Variants in CCDC60 observed in about 807,000 individuals in gnomAD.
CCDC60 encodes coiled-coil domain containing 60, also known as coiled-coil domain-containing protein 60.
Under a neutral mutation model 63.5 loss-of-function variants are expected in CCDC60, and 54 were observed. The observed-to-expected ratio is 0.85, with a 90% CI of 0.68 to 1.07. CCDC60 has a LOEUF of 1.07. Among genes scored for constraint, CCDC60 ranks in the 50% least tolerant of loss-of-function variants. The pLI is 0.00. For missense variants in CCDC60, 651 were observed against 684.3 expected, an observed-to-expected ratio of 0.95 and a Z score of 0.54; for synonymous variants, 206 against 238.8, an observed-to-expected ratio of 0.86 and a Z score of 1.27.
chr12:119,512,967 C>T (rs1952253399), intron 7 of CCDC60, among the ~76,000 whole-genome samples: 1 of 152,194 alleles, frequency 6.6e-6, no homozygotes, highest in Admixed American at 6.5e-5. Flanking sequence ...ATTTTCTCCT[C>T]TTCTCACTCC....
intron 2 of CCDC60, among the ~76,000 whole-genome samples, chr12:119,462,375 A>G (rs915213969): frequency 2.0e-5 from 3 of 152,128 alleles, no homozygotes; most frequent in African/African-American, 7.2e-5. Context: ...GATTGTGTTT[A>G]CCTCTTTGCC....
intron 4 of CCDC60, among the ~76,000 whole-genome samples, chr12:119,487,615 G>A (rs901876325): frequency 6.6e-6 from 1 of 151,648 alleles, no homozygotes; most frequent in Non-Finnish European, 1.5e-5. Context: ...AGCTTTAAAT[G>A]AGATACTGAG....
intron 1 of CCDC60, among the ~76,000 whole-genome samples, chr12:119,414,472 T>A (rs865837976): frequency 6.6e-6 from 1 of 152,224 alleles, no homozygotes; most frequent in Non-Finnish European, 1.5e-5. Context: ...GTTCAAAGGA[T>A]GGGAAGACTG....
At chr12:119,490,134 AT>A (rs1396224128) in intron 5 of CCDC60, among the ~76,000 whole-genome samples, 1 of 152,106 alleles carries the variant, frequency 6.6e-6, no homozygotes, top group Non-Finnish European at 1.5e-5. Flanking sequence ...TCTTGAAGAC[AT>A]TTATTACCCA....
chr12:119,365,999 G>A (rs904738655), intron 1 of CCDC60, among the ~76,000 whole-genome samples: 3 of 152,132 alleles, frequency 2.0e-5, no homozygotes, highest in Non-Finnish European at 4.4e-5. Flanking sequence ...TGGCCTCACA[G>A]TAATAATAAG....
At chr12:119,540,176 T>A (rs1198163077) in intron 13 of CCDC60, among the ~76,000 whole-genome samples, 2 of 152,158 alleles carry the variant, frequency 1.3e-5, no homozygotes, top group East Asian at 3.9e-4. Flanking sequence ...AATCTGGATG[T>A]GGGGGTCTAC....
intron 11 of CCDC60, among the ~76,000 whole-genome samples, chr12:119,525,844 A>T (rs1593218322): frequency 6.6e-6 from 1 of 152,348 alleles, no homozygotes; most frequent in East Asian, 1.9e-4. Flanking sequence ...TGCCCAAAGC[A>T]ATTTATAGAT....
At chr12:119,377,149 G>A (rs1955959110) in intron 1 of CCDC60, among the ~76,000 whole-genome samples, 1 of 151,556 alleles carries the variant, frequency 6.6e-6, no homozygotes, top group South Asian at 2.1e-4. Context: ...CAGCTACTTG[G>A]GAGGCTGAAG....
chr12:119,415,516 A>G (rs1956683289), intron 1 of CCDC60, among the ~76,000 whole-genome samples: 2 of 152,202 alleles, frequency 1.3e-5, no homozygotes, highest in Admixed American at 1.3e-4. Context: ...ATTTTAGGCA[A>G]TGGAGTCATG....
At chr12:119,532,012 T>C (rs1952855733) in intron 13 of CCDC60, among the ~76,000 whole-genome samples, 1 of 152,216 alleles carries the variant, frequency 6.6e-6, no homozygotes, top group African/African-American at 2.4e-5. Flanking sequence ...TGACAGGCTA[T>C]GGAGCGTTTG....
intron 1 of CCDC60, among the ~76,000 whole-genome samples, chr12:119,367,423 C>T (rs1955851849): frequency 6.6e-6 from 1 of 152,188 alleles, no homozygotes; most frequent in Non-Finnish European, 1.5e-5. Flanking sequence ...AATTCCACCG[C>T]CTATATCCTC....
intron 1 of CCDC60, among the ~76,000 whole-genome samples, chr12:119,378,596 T>C (rs1955977972): frequency 6.6e-6 from 1 of 152,164 alleles, no homozygotes; most frequent in Non-Finnish European, 1.5e-5. Context: ...AGGTAACTGG[T>C]CATAGAGCTA....
chr12:119,382,441 C>A (rs1956017472), intron 1 of CCDC60, among the ~76,000 whole-genome samples: 1 of 152,148 alleles, frequency 6.6e-6, no homozygotes, highest in African/African-American at 2.4e-5. Context: ...GAACAGGGTA[C>A]AAAAGTTCTG....
At chr12:119,460,179 A>T (rs1209666149) in intron 2 of CCDC60, among the ~76,000 whole-genome samples, 1 of 152,042 alleles carries the variant, frequency 6.6e-6, no homozygotes, top group Non-Finnish European at 1.5e-5. Flanking sequence ...TGCAGAAAAG[A>T]CTCTTAATCT....
intron 11 of CCDC60, among the ~76,000 whole-genome samples, chr12:119,527,083 A>G (rs761318007): frequency 6.6e-6 from 1 of 152,262 alleles, no homozygotes; most frequent in Non-Finnish European, 1.5e-5. Flanking sequence ...TTATGCAGCC[A>G]TAAAAAAGAA....
chr12:119,526,376 C>G lies in CCDC60; in HGVS notation c.1230-2239C>G, dbSNP rs1258954628. On this transcript the variant is annotated intron_variant, in intron 11 of 13. Transcript: ENST00000327554. ...GGGCAAAGATTTTATGACAAAGACACCAAAAGCAATTGCAACAAAAGCAAA... is the reference window on the plus strand; with the variant it reads ...GGGCAAAGATTTTATGACAAAGACAGCAAAAGCAATTGCAACAAAAGCAAA... 1.3e-5 allele frequency among the ~76,000 whole-genome samples: 2 copies of G among 152,148 alleles called. 1 individual carries two copies. Among genetic ancestry groups the G allele is most frequent in the East Asian group, 3.9e-4 (2 of 5,192 alleles).
chr12:119,454,436 C>A (rs1400647363), intron 2 of CCDC60, among the ~76,000 whole-genome samples: 1 of 152,170 alleles, frequency 6.6e-6, no homozygotes, highest in Non-Finnish European at 1.5e-5. Flanking sequence ...CCTGTCCCAG[C>A]CCTCATTTCT....
At chr12:119,443,035 C>T (rs1453057366) in intron 2 of CCDC60, among the ~76,000 whole-genome samples, 1 of 152,178 alleles carries the variant, frequency 6.6e-6, no homozygotes, top group Non-Finnish European at 1.5e-5. Context: ...AAGTAACTCT[C>T]CCCCTAAATT....
intron 2 of CCDC60, among the ~76,000 whole-genome samples, chr12:119,442,953 G>A (rs1412171992): frequency 6.6e-6 from 1 of 152,216 alleles, no homozygotes; most frequent in Non-Finnish European, 1.5e-5. Context: ...TTGCTCTTCT[G>A]ACTTTAGCGT....
Sources: gnomAD v4.1 joint callset for allele counts (sites outside exome capture counted in the v4.1 genomes callset) on GRCh38, gnomAD v4.1.1 for gene constraint, MANE v1.5 for transcripts, NCBI Gene and HGNC (gene_info 2026-07-23, HGNC 2026-07-21) for gene names.